The following MID1 variants were observed in gnomAD, a reference collection of about 807,000 sequenced individuals.
MID1 encodes the protein E3 ubiquitin-protein ligase Midline-1.
In MID1, 7 loss-of-function variants were observed where a neutral mutation model predicts 40.4. That is an observed-to-expected ratio of 0.17 (90% CI 0.10 to 0.33). The LOEUF (loss-of-function observed/expected upper bound fraction) is 0.33, where lower values mean the gene tolerates loss of function less well. Among genes scored for constraint, MID1 ranks in the 10% least tolerant of loss-of-function variants. The pLI is 1.00. For synonymous variants in MID1, 229 were observed against 221.2 expected, an observed-to-expected ratio of 1.04 and a Z score of -0.31; for missense variants, 367 against 558.5, an observed-to-expected ratio of 0.66 and a Z score of 3.46.
chrX:10,701,759 G>A (rs1265357850), intron 1 of MID1, among the ~76,000 whole-genome samples: 3 of 112,055 alleles, frequency 2.7e-5, no homozygotes, highest in African/African-American at 6.5e-5. Flanking sequence ...TGTCAAGTAT[G>A]TCTCCTAAGC....
chrX:10,619,287 C>T (rs769614692), intron 1 of MID1, among the ~76,000 whole-genome samples: 2 of 112,257 alleles, frequency 1.8e-5, no homozygotes, highest in Non-Finnish European at 3.8e-5. Context: ...GCACCCAACC[C>T]ACTTAGAAGA....
intron 3 of MID1, 134 bp from the exon 4 acceptor site, chrX:10,495,825 G>A (rs920577746): frequency 2.6e-5 from 13 of 506,001 alleles, no homozygotes; most frequent in Middle Eastern, 4.1e-4. Context: ...GTCCGATTAC[G>A]CAAGGATTGC....
At chrX:10,702,512 C>T (rs1353859287) in intron 1 of MID1, among the ~76,000 whole-genome samples, 3 of 112,073 alleles carry the variant, frequency 2.7e-5, no homozygotes, top group African/African-American at 6.5e-5. Context: ...ACATATACAC[C>T]AAGACATATT....
In MID1 at chrX:10,632,916, C is replaced by G. The variant is rs1936068202; in HGVS notation, c.-186-12497G>C. On this transcript the variant is annotated intron_variant, in intron 1 of 10. Transcript: ENST00000380785. The stretch of plus-strand genomic sequence containing the variant: ...AAGTTTTATTGGAATGCAGCCATGC[C>G]CATTCAGTCTACCATTAGACCAAGT... Among the ~76,000 whole-genome samples the G allele has an allele frequency of 5.4e-5, 6 of 111,320 alleles. No individual in the cohort carries two copies. In the South Asian group the frequency reaches 2.3e-3, roughly 42 times the overall value.
At chrX:10,511,368 T>C (rs1394604501) in intron 3 of MID1, among the ~76,000 whole-genome samples, 3 of 111,299 alleles carry the variant, frequency 2.7e-5, no homozygotes, top group Admixed American at 9.6e-5. Flanking sequence ...AATATTTCAG[T>C]CCCAAGTTGT....
At chrX:10,499,123 A>C (rs976239928) in intron 3 of MID1, among the ~76,000 whole-genome samples, 3 of 111,489 alleles carry the variant, frequency 2.7e-5, no homozygotes, top group African/African-American at 9.8e-5. Flanking sequence ...ATGTCTTTTT[A>C]ATTTTATTTT....
chrX:10,481,527 C>T lies in MID1; in HGVS notation c.1013+953G>A, dbSNP rs757291217. On this transcript the variant is annotated intron_variant, in intron 5 of 9. Coordinates refer to ENST00000317552, the MANE Select transcript of MID1 (RefSeq NM_000381.4). Reference sequence around the variant, plus strand: ...CGATCTCGGCTCACTGCAACCTCCGCCTCCCAGGTTCAAGCAATTCTCCTG... The same window carrying T: ...CGATCTCGGCTCACTGCAACCTCCGTCTCCCAGGTTCAAGCAATTCTCCTG... Among the ~76,000 whole-genome samples, 3 of 112,130 alleles carry T rather than the reference C, an allele frequency of 2.7e-5. No individual in the cohort carries two copies. In the South Asian group the frequency reaches 1.1e-3, roughly 42 times the overall value.
intron 1 of MID1, among the ~76,000 whole-genome samples, chrX:10,616,489 T>G (rs1250253512): frequency 3.6e-5 from 4 of 111,930 alleles, no homozygotes; most frequent in Non-Finnish European, 7.5e-5. Context: ...GTCCAGTAAC[T>G]AAATCCCCTC....
chrX:10,465,092 G>A (rs1160937965), intron 7 of MID1, among the ~76,000 whole-genome samples: 1 of 106,309 alleles, frequency 9.4e-6, no homozygotes, highest in Non-Finnish European at 1.9e-5. Context: ...GCTGAGGCAG[G>A]AGAATCATTT....
chrX:10,689,000 G>A (rs2043115923), intron 1 of MID1, among the ~76,000 whole-genome samples: 1 of 109,323 alleles, frequency 9.1e-6, no homozygotes, highest in Admixed American at 1.0e-4. Context: ...GGATTTTGAG[G>A]ATCTAGCAGG....
chrX:10,831,669 C>T (rs1032243121), intron 1 of MID1, among the ~76,000 whole-genome samples: 8 of 111,471 alleles, frequency 7.2e-5, no homozygotes, highest in African/African-American at 2.3e-4. Flanking sequence ...GCTGAGGAGC[C>T]GGGGATGAGT....
chrX:10,716,349 A>G (rs1392702264), intron 1 of MID1, among the ~76,000 whole-genome samples: 1 of 112,272 alleles, frequency 8.9e-6, no homozygotes, highest in African/African-American at 3.2e-5. Context: ...AAGTCCTTAA[A>G]GGACCTGATG....
At chrX:10,570,289 T>C (rs778170787) in intron 1 of MID1, among the ~76,000 whole-genome samples, 1 of 112,102 alleles carries the variant, frequency 8.9e-6, no homozygotes, top group South Asian at 3.8e-4. Flanking sequence ...TGTCACTTTC[T>C]CTCTGAACCC....
At position 10,721,054 on chromosome X, in the gene MID1, G is replaced by C. The variant is rs1195337885; in HGVS notation, c.-186-100635C>G. On this transcript the variant is annotated intron_variant, in intron 1 of 10. Coordinates refer to the MID1 transcript ENST00000380785. ...CACACACCAGGGCCTGTTGTGGGGT[G>C]GGGGGAGGCGGGAGGGATAGCATTA... Among the ~76,000 whole-genome samples the C allele has an allele frequency of 3.7e-5, 4 of 106,832 alleles. No homozygotes were observed. The Admixed American group carries it at 4.0e-4, about 11-fold the overall frequency. 92.8% of individuals were successfully genotyped at this position (106,832 alleles called of 115,157 possible).
At chrX:10,696,834 T>C (rs1017838995) in intron 1 of MID1, among the ~76,000 whole-genome samples, 13 of 112,171 alleles carry the variant, frequency 1.2e-4, no homozygotes, top group African/African-American at 4.2e-4. Context: ...AGAACAATGA[T>C]GTATCCAAAA....
chrX:10,810,117 A>G (rs1422149964), intron 1 of MID1, among the ~76,000 whole-genome samples: 1 of 111,299 alleles, frequency 9.0e-6, no homozygotes, highest in Non-Finnish European at 1.9e-5. Flanking sequence ...GTACTTCTGG[A>G]AGTTTCTCGT....
At chrX:10,582,597 T>C (rs1020685310) in intron 1 of MID1, among the ~76,000 whole-genome samples, 1 of 111,940 alleles carries the variant, frequency 8.9e-6, no homozygotes, top group Admixed American at 9.5e-5. Flanking sequence ...TGCAAGAAAG[T>C]GATAAGAACT....
At chrX:10,480,944 C>T (rs776541273) in intron 5 of MID1, among the ~76,000 whole-genome samples, 1 of 112,105 alleles carries the variant, frequency 8.9e-6, no homozygotes, top group Non-Finnish European at 1.9e-5. Flanking sequence ...CACAAGTTTC[C>T]GAAACAAGCA....
rs1331505271 is a variant in MID1, at chrX:10,826,092, T to G, written c.-187+7462A>C. Reference sequence around the variant, plus strand: ...GACTTTCCACCTCAAAGCTCATGCATTTTTCCACTCAATCAGGTTACTCCC... The same window carrying G: ...GACTTTCCACCTCAAAGCTCATGCAGTTTTCCACTCAATCAGGTTACTCCC... On this transcript the variant is annotated intron_variant, in intron 1 of 10. Coordinates refer to the MID1 transcript ENST00000380785. 9.9e-5 allele frequency among the ~76,000 whole-genome samples: 11 copies of G among 111,002 alleles called. No individual in the cohort carries two copies. In the Admixed American group the frequency reaches 1.1e-3, roughly 11 times the overall value.
Sources: allele counts gnomAD v4.1 joint callset (sites outside exome capture counted in the v4.1 genomes callset), GRCh38; gene constraint gnomAD v4.1.1; transcripts MANE v1.5; gene names NCBI Gene and HGNC (gene_info 2026-07-23, HGNC 2026-07-21).